KLF17: variants seen among roughly 807,000 people sequenced by gnomAD.
KLF17 encodes the protein KLF transcription factor 17, also known as Krueppel-like factor 17.
A neutral mutation model predicts 34.2 loss-of-function variants in KLF17; 31 were observed. The ratio of observed to expected loss-of-function variants is 0.91; its 90% CI spans 0.68 to 1.22. The LOEUF (loss-of-function observed/expected upper bound fraction) is 1.22. Ranked by LOEUF, KLF17 falls within the 50% of genes most tolerant of loss-of-function variation. The pLI is 0.00. For missense variants in KLF17, 478 were observed against 505.2 expected (o/e 0.95, Z 0.52); for synonymous variants, 179 against 186.7 (o/e 0.96, Z 0.34).
chr1:44,059,398 C>A, the KLF17 span, among the ~76,000 whole-genome samples: 1 of 152,196 alleles, frequency 6.6e-6, no homozygotes, highest in Non-Finnish European at 1.5e-5. Flanking sequence ...TTCCTCATTA[C>A]CCTGATCCAG....
the KLF17 span, chr1:44,087,934 G>C: frequency 2.5e-5 from 5 of 199,076 alleles, no homozygotes; most frequent in South Asian, 4.9e-4. Context: ...AGCAGGTATG[G>C]GTAGGTGATC....
At chr1:44,096,468 G>A in the KLF17 span, among the ~76,000 whole-genome samples, 4 of 148,984 alleles carry the variant, frequency 2.7e-5, no homozygotes, top group Admixed American at 6.7e-5. Context: ...GCGCGATCTC[G>A]ACTCACTGCA....
intron 1 of KLF17, among the ~76,000 whole-genome samples, chr1:44,120,620 A>C (rs1193920761): frequency 1.3e-5 from 2 of 152,172 alleles, no homozygotes; most frequent in East Asian, 1.9e-4. Context: ...GGCCAGAGCA[A>C]ATTTGGGAGA....
At chr1:44,111,297 G>A in the KLF17 span, among the ~76,000 whole-genome samples, 70 of 152,116 alleles carry the variant, frequency 4.6e-4, no homozygotes, top group Admixed American at 1.0e-3. Context: ...TGCCCGGCCT[G>A]TGTTTTTCTT....
At chr1:44,046,394 A>T in the KLF17 span, among the ~76,000 whole-genome samples, 4 of 151,742 alleles carry the variant, frequency 2.6e-5, no homozygotes, top group Admixed American at 2.6e-4. Context: ...ATTTTTTAAA[A>T]TTTTATTTGT....
chr1:44,072,296 C>T, the KLF17 span, among the ~76,000 whole-genome samples: 1 of 152,034 alleles, frequency 6.6e-6, no homozygotes, highest in Non-Finnish European at 1.5e-5. Flanking sequence ...ATGGAAATGC[C>T]CCTTAGAAAT....
At chr1:44,095,736 C>G in the KLF17 span, among the ~76,000 whole-genome samples, 4 of 151,680 alleles carry the variant, frequency 2.6e-5, no homozygotes, top group African/African-American at 9.7e-5. Context: ...ATCTTTCCCT[C>G]CTTTGGTTAA....
chr1:44,070,904 A>G, the KLF17 span, among the ~76,000 whole-genome samples: 1 of 152,122 alleles, frequency 6.6e-6, no homozygotes, highest in African/African-American at 2.4e-5. Context: ...GTTTATTTTA[A>G]TTTTAACATT....
the KLF17 span, among the ~76,000 whole-genome samples, chr1:44,097,556 G>A: frequency 3.3e-5 from 5 of 152,016 alleles, no homozygotes; most frequent in African/African-American, 1.2e-4. Context: ...AAACCTGCAT[G>A]TTCTGCACAT....
chr1:44,074,012 C>A, the KLF17 span, among the ~76,000 whole-genome samples: 1 of 152,124 alleles, frequency 6.6e-6, no homozygotes, highest in South Asian at 2.1e-4. Flanking sequence ...AGTAGCTGCC[C>A]CCCCAACAAT....
At chr1:44,084,112 G>C in the KLF17 span, among the ~76,000 whole-genome samples, 1 of 152,178 alleles carries the variant, frequency 6.6e-6, no homozygotes, top group African/African-American at 2.4e-5. Context: ...ATGGTCACTG[G>C]AACTGTAGAA....
chr1:44,085,370 T>A, the KLF17 span, among the ~76,000 whole-genome samples: 1 of 152,148 alleles, frequency 6.6e-6, no homozygotes, highest in East Asian at 1.9e-4. Context: ...TTCAGCTGGG[T>A]GGTCAGGACA....
At chr1:44,087,765 TATATACACACACAC>T in the KLF17 span, among the ~76,000 whole-genome samples, 2 of 55,540 alleles carry the variant, frequency 3.6e-5, no homozygotes, top group Non-Finnish European at 7.6e-5. Flanking sequence ...TATATATATA[TATATACACACACAC>T]ACACACACAC....
At chr1:44,110,468 A>T in the KLF17 span, 2 of 152,188 alleles carry the variant, frequency 1.3e-5, no homozygotes, top group East Asian at 1.9e-4. Flanking sequence ...AGGCGGGCAG[A>T]TCAACTGACG....
chr1:44,102,015 A>G, the KLF17 span, among the ~76,000 whole-genome samples: 1 of 151,852 alleles, frequency 6.6e-6, no homozygotes, highest in African/African-American at 2.4e-5. Context: ...CTCTATTGCC[A>G]ACCTGGGCAA....
Position 44,134,993 on chromosome 1 carries a change from A to G in KLF17, c.*1756A>G, listed in dbSNP as rs2088152162. Reference sequence around the variant, plus strand: ...AAAATATTTTGTATATATCCAATTTAATAATAAATGCACTCATGTTAGGAA... The same window carrying G: ...AAAATATTTTGTATATATCCAATTTGATAATAAATGCACTCATGTTAGGAA... On this transcript the variant is annotated 3_prime_UTR_variant, in exon 4 of 4. Transcript: ENST00000372299. 6.6e-6 allele frequency: 1 copy of G among 152,216 alleles called. No individual in the cohort carries two copies. The highest frequency in any genetic ancestry group is 2.4e-5 in the African/African-American group (1 of 41,458). The allele number at this position is 152,216 out of a possible 1,614,324, so 9.4% of individuals were successfully genotyped here.
the KLF17 span, among the ~76,000 whole-genome samples, chr1:44,057,681 G>A: frequency 6.6e-6 from 1 of 152,206 alleles, no homozygotes; most frequent in Non-Finnish European, 1.5e-5. Flanking sequence ...CTTTCTCCCT[G>A]AGGCTGAGCA....
chr1:44,117,645 G>T (rs991780921), upstream of KLF17, among the ~76,000 whole-genome samples: 1 of 151,632 alleles, frequency 6.6e-6, no homozygotes, highest in Non-Finnish European at 1.5e-5. Flanking sequence ...ACAGGCACGC[G>T]CCACCACGCC....
chr1:44,078,441 T>C, the KLF17 span, among the ~76,000 whole-genome samples: 12 of 151,198 alleles, frequency 7.9e-5, no homozygotes, highest in Non-Finnish European at 1.3e-4. Flanking sequence ...CTTCTTCTTT[T>C]TTTTTTTTTT....
Sources: allele counts gnomAD v4.1 joint callset (sites outside exome capture counted in the v4.1 genomes callset), GRCh38; gene constraint gnomAD v4.1.1; transcripts MANE v1.5; gene names NCBI Gene and HGNC (gene_info 2026-07-23, HGNC 2026-07-21).